The following MAGI2 variants were observed in gnomAD, a reference collection of about 807,000 sequenced individuals.
MAGI2 encodes the protein membrane associated guanylate kinase, WW and PDZ domain containing 2.
A neutral mutation model predicts 133.3 loss-of-function variants in MAGI2; 35 were observed. The ratio of observed to expected loss-of-function variants is 0.26; its 90% CI spans 0.20 to 0.35. The LOEUF (loss-of-function observed/expected upper bound fraction) is 0.35. Ranked by LOEUF, MAGI2 falls within the 10% of genes least tolerant of loss-of-function variation. MAGI2 has a pLI of 1.00. For synonymous variants in MAGI2, 729 were observed against 710.6 expected, an observed-to-expected ratio of 1.03 and a Z score of -0.41; for missense variants, 1,636 against 1,863.4, an observed-to-expected ratio of 0.88 and a Z score of 2.25.
At chr7:79,188,219 C>G (rs1188981991) in intron 1 of MAGI2, among the ~76,000 whole-genome samples, 1 of 151,808 alleles carries the variant, frequency 6.6e-6, no homozygotes, top group East Asian at 1.9e-4. Flanking sequence ...AACCCATCAC[C>G]TAGGTATTAA....
intron 9 of MAGI2, among the ~76,000 whole-genome samples, chr7:78,343,207 T>C (rs1290071644): frequency 6.6e-6 from 1 of 152,200 alleles, no homozygotes; most frequent in Non-Finnish European, 1.5e-5. Flanking sequence ...GCCTCTGTAT[T>C]TCCACAAGAA....
chr7:78,525,060 A>T (rs1355236217), intron 3 of MAGI2, among the ~76,000 whole-genome samples: 1 of 152,168 alleles, frequency 6.6e-6, no homozygotes, highest in Non-Finnish European at 1.5e-5. Context: ...ACTAAATAAC[A>T]GATCCTGCTA....
intron 2 of MAGI2, among the ~76,000 whole-genome samples, chr7:78,868,908 A>C (rs1415446792): frequency 6.6e-6 from 1 of 151,968 alleles, no homozygotes; most frequent in Non-Finnish European, 1.5e-5. Flanking sequence ...AGCCCGCCAC[A>C]ATGCCCGGCT....
intron 3 of MAGI2, among the ~76,000 whole-genome samples, chr7:78,620,371 G>A (rs1807597510): frequency 6.6e-6 from 1 of 152,088 alleles, no homozygotes; most frequent in East Asian, 1.9e-4. Context: ...ATTTTAGCTA[G>A]TAAAATGAAA....
intron 6 of MAGI2, among the ~76,000 whole-genome samples, chr7:78,381,899 C>T (rs1794954842): frequency 6.6e-6 from 1 of 152,146 alleles, no homozygotes. Flanking sequence ...GCTAACATAA[C>T]CAGATAAATT....
At chr7:79,449,720 A>G (rs991855) in intron 1 of MAGI2, among the ~76,000 whole-genome samples, 131,065 of 151,554 alleles carry the variant, frequency 0.86, 57,023 homozygotes, top group African/African-American at 0.95. Flanking sequence ...AAAGAATTGG[A>G]TGTGACAATA....
chr7:79,290,495 C>G (rs189064205), intron 1 of MAGI2, among the ~76,000 whole-genome samples: 1 of 152,018 alleles, frequency 6.6e-6, no homozygotes, highest in South Asian at 2.1e-4. Flanking sequence ...TTATGACAGA[C>G]GCATCCATCT....
chr7:78,591,450 T>G (rs1803993093), intron 3 of MAGI2, among the ~76,000 whole-genome samples: 1 of 152,064 alleles, frequency 6.6e-6, no homozygotes. Context: ...AAGCTGGAGG[T>G]GCGGGGAGTA....
chr7:78,369,911 T>A (rs536995172), intron 6 of MAGI2, among the ~76,000 whole-genome samples: 5 of 152,160 alleles, frequency 3.3e-5, no homozygotes, highest in African/African-American at 1.2e-4. Context: ...GTCTGAAAAC[T>A]AGGCTTTGCT....
chr7:79,067,721 G>T (rs1353924723), intron 1 of MAGI2, among the ~76,000 whole-genome samples: 1 of 152,164 alleles, frequency 6.6e-6, no homozygotes, highest in Non-Finnish European at 1.5e-5. Context: ...TGCCCATTCA[G>T]TATGATATTG....
intron 2 of MAGI2, among the ~76,000 whole-genome samples, chr7:78,921,935 A>G (rs1047796270): frequency 2.0e-5 from 3 of 152,082 alleles, no homozygotes; most frequent in African/African-American, 4.8e-5. Context: ...TGTCCGGCCC[A>G]GATTTTAATA....
chr7:79,434,504 C>A (rs1166392030), intron 1 of MAGI2, among the ~76,000 whole-genome samples: 5 of 152,072 alleles, frequency 3.3e-5, no homozygotes, highest in Non-Finnish European at 7.4e-5. Flanking sequence ...CATCGTTATG[C>A]CTGATTTTGG....
chr7:78,665,309 T>C (rs73380203), intron 2 of MAGI2, among the ~76,000 whole-genome samples: 2,332 of 152,294 alleles, frequency 0.015, 69 homozygotes, highest in African/African-American at 0.053. Context: ...TGGAATGTGT[T>C]ACAAATAGCT....
At chr7:78,070,300 G>A (rs1814449401) in intron 21 of MAGI2, among the ~76,000 whole-genome samples, 1 of 147,916 alleles carries the variant, frequency 6.8e-6, no homozygotes, top group African/African-American at 2.5e-5. Context: ...GTTCTTGAGT[G>A]ATTTGTGGAA....
At chr7:78,787,832 G>A (rs1826963270) in intron 2 of MAGI2, among the ~76,000 whole-genome samples, 1 of 152,162 alleles carries the variant, frequency 6.6e-6, no homozygotes, top group Non-Finnish European at 1.5e-5. Context: ...GTTATATAGA[G>A]TTCATCATAT....
At chr7:78,884,015 TA>T (rs1370999093) in intron 2 of MAGI2, among the ~76,000 whole-genome samples, 1 of 152,194 alleles carries the variant, frequency 6.6e-6, no homozygotes, top group African/African-American at 2.4e-5. Flanking sequence ...GCGACCTGAT[TA>T]AACTATTGTG....
At chr7:79,425,455 T>G (rs892398290) in intron 1 of MAGI2, among the ~76,000 whole-genome samples, 13 of 151,774 alleles carry the variant, frequency 8.6e-5, no homozygotes, top group Non-Finnish European at 2.9e-5. Flanking sequence ...GAAATCAGCT[T>G]CTTTTATAAG....
At chr7:78,992,874 T>C (rs1425572683) in intron 2 of MAGI2, among the ~76,000 whole-genome samples, 1 of 152,100 alleles carries the variant, frequency 6.6e-6, no homozygotes, top group Non-Finnish European at 1.5e-5. Context: ...CAAACTATAA[T>C]TAATTTTCTA....
chr7:78,622,710 G>T (rs369329957), intron 3 of MAGI2, among the ~76,000 whole-genome samples: 2 of 152,002 alleles, frequency 1.3e-5, no homozygotes, highest in African/African-American at 2.4e-5. Context: ...AATTTTGCTA[G>T]TTCCTCAGCT....
Sources: allele counts gnomAD v4.1 joint callset (sites outside exome capture counted in the v4.1 genomes callset), GRCh38; gene constraint gnomAD v4.1.1; transcripts MANE v1.5; gene names NCBI Gene and HGNC (gene_info 2026-07-23, HGNC 2026-07-21).